DNER: variants seen among roughly 807,000 people sequenced by gnomAD.
DNER encodes delta and Notch-like epidermal growth factor-related receptor.
DNER carries 33 observed loss-of-function variants against 78.2 expected under a neutral mutation model. That is an observed-to-expected ratio of 0.42 (90% CI 0.32 to 0.56). DNER has a LOEUF of 0.56. DNER is among the 20% of genes least tolerant of loss of function. The pLI is 0.11. For synonymous variants in DNER, 417 were observed against 384.8 expected (o/e 1.08, Z -0.98); for missense variants, 918 against 975.3 (o/e 0.94, Z 0.78).
chr2:229,550,876 A>C (rs1056113047), intron 4 of DNER, among the ~76,000 whole-genome samples: 1 of 152,210 alleles, frequency 6.6e-6, no homozygotes. Context: ...CCTGCATGGT[A>C]CCTAGCATCA....
intron 8 of DNER, among the ~76,000 whole-genome samples, chr2:229,442,771 G>A (rs1027462478): frequency 6.6e-6 from 1 of 152,068 alleles, no homozygotes; most frequent in Admixed American, 6.5e-5. Context: ...TTTCAGGTCT[G>A]AGTTTAACAG....
intron 12 of DNER, among the ~76,000 whole-genome samples, chr2:229,365,388 A>G (rs4973193): frequency 0.7 from 107,028 of 152,098 alleles, 38,126 homozygotes; most frequent in East Asian, 0.91. Flanking sequence ...TGAAAAGGAC[A>G]GAAAAGAGAA....
At chr2:229,552,089 G>A (rs143535617) in intron 4 of DNER, among the ~76,000 whole-genome samples, 3 of 152,270 alleles carry the variant, frequency 2.0e-5, no homozygotes, top group Non-Finnish European at 4.4e-5. Context: ...GAGCAGAATG[G>A]ATCTTAAAAA....
At chr2:229,374,603 A>G (rs1372340129) in intron 11 of DNER, among the ~76,000 whole-genome samples, 1 of 152,130 alleles carries the variant, frequency 6.6e-6, no homozygotes, top group East Asian at 1.9e-4. Flanking sequence ...TATTGCCTTC[A>G]TTTTATATAG....
At chr2:229,413,895 G>A (rs1693586049) in intron 9 of DNER, among the ~76,000 whole-genome samples, 1 of 151,844 alleles carries the variant, frequency 6.6e-6, no homozygotes. Flanking sequence ...ACCTATCTAA[G>A]TTCTAACTCC....
At chr2:229,650,783 G>T (rs2154216264) in intron 1 of DNER, among the ~76,000 whole-genome samples, 1 of 152,268 alleles carries the variant, frequency 6.6e-6, no homozygotes, top group South Asian at 2.1e-4. Context: ...TGCCTCACCT[G>T]ATGGTGTCTG....
chr2:229,395,171 G>A (rs570976901), intron 10 of DNER, among the ~76,000 whole-genome samples: 1 of 152,152 alleles, frequency 6.6e-6, no homozygotes, highest in Admixed American at 6.5e-5. Context: ...ACCATGAGAG[G>A]ACTTGCCTTT....
intron 1 of DNER, among the ~76,000 whole-genome samples, chr2:229,666,333 T>A (rs980756531): frequency 6.6e-6 from 1 of 152,078 alleles, no homozygotes; most frequent in African/African-American, 2.4e-5. Flanking sequence ...CCAAAAACAA[T>A]CTGATATGGC....
At chr2:229,362,064 C>T (rs1269841048) in intron 12 of DNER, among the ~76,000 whole-genome samples, 1 of 152,118 alleles carries the variant, frequency 6.6e-6, no homozygotes, top group Non-Finnish European at 1.5e-5. Flanking sequence ...AAGGAGTTGA[C>T]ACACTCCCCC....
At chr2:229,515,439 C>T (rs1448233735) in intron 5 of DNER, among the ~76,000 whole-genome samples, 1 of 152,160 alleles carries the variant, frequency 6.6e-6, no homozygotes, top group Non-Finnish European at 1.5e-5. Flanking sequence ...TGATAAATTA[C>T]TATATGTCAT....
At chr2:229,539,942 T>C (rs1429838617) in intron 5 of DNER, among the ~76,000 whole-genome samples, 2 of 152,244 alleles carry the variant, frequency 1.3e-5, no homozygotes, top group Non-Finnish European at 2.9e-5. Context: ...TCAGAGGCTA[T>C]GTCTTGCTAG....
intron 10 of DNER, among the ~76,000 whole-genome samples, chr2:229,404,197 G>A (rs560072090): frequency 6.6e-6 from 1 of 152,072 alleles, no homozygotes; most frequent in Non-Finnish European, 1.5e-5. Context: ...GAGGGAAAAA[G>A]AGGAAGGTAT....
At chr2:229,519,703 A>G (rs576188878) in intron 5 of DNER, among the ~76,000 whole-genome samples, 1 of 152,236 alleles carries the variant, frequency 6.6e-6, no homozygotes, top group African/African-American at 2.4e-5. Context: ...GGTTCAGAAG[A>G]TGCGTGTGGG....
intron 10 of DNER, among the ~76,000 whole-genome samples, chr2:229,402,637 T>C (rs1693292534): frequency 6.6e-6 from 1 of 152,204 alleles, no homozygotes; most frequent in Non-Finnish European, 1.5e-5. Context: ...CAAATGACAA[T>C]GTCAATGGGC....
At chr2:229,530,746 C>T (rs1013458642) in intron 5 of DNER, among the ~76,000 whole-genome samples, 1 of 152,320 alleles carries the variant, frequency 6.6e-6, no homozygotes, top group Non-Finnish European at 1.5e-5. Context: ...TCTCCTCTGC[C>T]GTGAACTTGG....
intron 4 of DNER, among the ~76,000 whole-genome samples, chr2:229,549,096 C>T (rs376509020): frequency 1.3e-5 from 2 of 152,122 alleles, no homozygotes; most frequent in East Asian, 1.9e-4. Flanking sequence ...AACGCTGTTA[C>T]GCATATGTAT....
chr2:229,513,802 GC>G (rs1289149130), intron 5 of DNER, among the ~76,000 whole-genome samples: 1 of 152,032 alleles, frequency 6.6e-6, no homozygotes, highest in Admixed American at 6.5e-5. Context: ...ACAGACAAAA[GC>G]CCCTTGCCCA....
chr2:229,627,694 C>T (rs1421354691), intron 1 of DNER, among the ~76,000 whole-genome samples: 4 of 152,084 alleles, frequency 2.6e-5, no homozygotes, highest in Non-Finnish European at 4.4e-5. Context: ...ACAAGACTCC[C>T]AGTAAAAACA....
chr2:229,661,960 G>GCAGC (rs1223894665), intron 1 of DNER, among the ~76,000 whole-genome samples: 1 of 152,124 alleles, frequency 6.6e-6, no homozygotes. Context: ...ACTCCAGCAG[G>GCAGC]CAGCCACAAG....
Sources: allele counts gnomAD v4.1 joint callset (sites outside exome capture counted in the v4.1 genomes callset), GRCh38; gene constraint gnomAD v4.1.1; transcripts MANE v1.5; gene names NCBI Gene and HGNC (gene_info 2026-07-23, HGNC 2026-07-21).